The following LPAR1 variants were observed in gnomAD, a reference collection of about 807,000 sequenced individuals.
The protein encoded by LPAR1 is lysophosphatidic acid receptor 1.
A neutral mutation model predicts 23.8 loss-of-function variants in LPAR1; 5 were observed. The observed-to-expected ratio is 0.21, with a 90% CI of 0.11 to 0.44. The LOEUF (loss-of-function observed/expected upper bound fraction) is 0.44, where lower values mean the gene tolerates loss of function less well. LPAR1 is among the 20% of genes least tolerant of loss of function. The pLI is 0.99. For synonymous variants in LPAR1, 160 were observed against 164.7 expected (o/e 0.97, Z 0.22); for missense variants, 311 against 482.8 (o/e 0.64, Z 3.33).
chr9:111,038,864 G>T (rs1245870734), upstream of LPAR1, among the ~76,000 whole-genome samples: 1 of 151,722 alleles, frequency 6.6e-6, no homozygotes. This position sits in a 1 kb window ranked among gnomAD's most constrained non-coding sequence, Gnocchi z 4.4. Context: ...CCCCTCCTGC[G>T]CTTACCCCAG....
At chr9:110,919,937 T>C (rs114089440) in intron 5 of LPAR1, among the ~76,000 whole-genome samples, 2 of 152,198 alleles carry the variant, frequency 1.3e-5, no homozygotes, top group Non-Finnish European at 2.9e-5. Flanking sequence ...CACATCTATG[T>C]ACGTAGTTGT....
intron 2 of LPAR1, among the ~76,000 whole-genome samples, chr9:111,027,813 G>A (rs1439508506): frequency 7.0e-6 from 1 of 142,500 alleles, no homozygotes; most frequent in Non-Finnish European, 1.5e-5. Flanking sequence ...CTCAAAAATG[G>A]AGATCATTTA....
At chr9:111,002,909 C>A (rs1423156025) in intron 2 of LPAR1, among the ~76,000 whole-genome samples, 1 of 152,092 alleles carries the variant, frequency 6.6e-6, no homozygotes, top group Non-Finnish European at 1.5e-5. Flanking sequence ...GGGCCTGAGG[C>A]AGGAGAATTG....
At chr9:110,963,900 T>C (rs919157576) in intron 4 of LPAR1, among the ~76,000 whole-genome samples, 2 of 152,236 alleles carry the variant, frequency 1.3e-5, no homozygotes, top group African/African-American at 4.8e-5. Context: ...AGTCTAGATT[T>C]GAACCAAAAT....
In LPAR1 at chr9:110,875,595, G is replaced by C; in HGVS notation, c.921C>G (p.Asn307Lys). 2 of 1,614,076 alleles carry C rather than the reference G, an allele frequency of 1.2e-6. No homozygotes were observed. Among genetic ancestry groups the C allele is most frequent in the Non-Finnish European group, 1.7e-6 (2 of 1,180,012 alleles). Residue 307 changes from asparagine to lysine, a missense_variant, in exon 6 of 6, where the codon AAC becomes AAG. Physicochemically the swap from Asn to Lys is moderately conservative, Grantham distance 94. Around this residue, in one of 2 missense-constraint regions of LPAR1, gnomAD observed 250 missense variants for 427.2 expected, o/e 0.59. Transcript: ENST00000683809. Reference protein sequence around the residue: ...LLLAEFNSAMNPIIYSYRDKE... With the variant: ...LLLAEFNSAMKPIIYSYRDKE... ...TGTCGCGGTAGGAGTAAATGATGGG[G>C]TTCATGGCAGAGTTGAATTCAGCAA...
Position 111,009,998 on chromosome 9 carries a change from A to AATAT in LPAR1, c.-182+26120_-182+26123dup, listed in dbSNP as rs55696642. On this transcript the variant is annotated intron_variant, in intron 2 of 5. Transcript: ENST00000683809. ...TCATTTCTCATTTCATAATTAGGAA[A>AATAT]ATATATATATATATATATATATATA... 4.7e-3 allele frequency among the ~76,000 whole-genome samples: 579 copies of AATAT among 122,936 alleles called. 4 individuals carry two copies. Among genetic ancestry groups the AATAT allele is most frequent in the East Asian group, 7.5e-3 (20 of 2,656 alleles). 80.7% of individuals were successfully genotyped at this position (122,936 alleles called of 152,430 possible). A position where few individuals can be genotyped will look rare whatever the true frequency, so the allele number is the denominator to read the frequency against.
chr9:110,945,942 A>G (rs1038031066), intron 4 of LPAR1, among the ~76,000 whole-genome samples: 2 of 152,184 alleles, frequency 1.3e-5, no homozygotes, highest in African/African-American at 4.8e-5. Flanking sequence ...CCATCTCAAC[A>G]TCTTTAACTG....
chr9:110,925,429 T>A (rs1452165396), intron 5 of LPAR1, among the ~76,000 whole-genome samples: 1 of 152,114 alleles, frequency 6.6e-6, no homozygotes, highest in Admixed American at 6.5e-5. Context: ...TTCCTGATAG[T>A]CTCATAATCC....
chr9:111,009,831 T>C (rs1215909088), intron 2 of LPAR1, among the ~76,000 whole-genome samples: 1 of 151,642 alleles, frequency 6.6e-6, no homozygotes, highest in Non-Finnish European at 1.5e-5. Context: ...ATAAATTATA[T>C]GTCTAAATAT....
intron 2 of LPAR1, among the ~76,000 whole-genome samples, chr9:111,022,794 T>C (rs1409288469): frequency 6.6e-6 from 1 of 152,140 alleles, no homozygotes; most frequent in Non-Finnish European, 1.5e-5. Flanking sequence ...CTCAAGTCTG[T>C]AATCCCAGCA....
At chr9:110,954,376 A>C (rs1264826208) in intron 4 of LPAR1, among the ~76,000 whole-genome samples, 1 of 152,224 alleles carries the variant, frequency 6.6e-6, no homozygotes, top group African/African-American at 2.4e-5. Context: ...GGCAAAGAGA[A>C]AAATGAAAGG....
chr9:110,938,072 T>C (rs2094843839), intron 5 of LPAR1, among the ~76,000 whole-genome samples: 1 of 152,188 alleles, frequency 6.6e-6, no homozygotes, highest in South Asian at 2.1e-4. Context: ...TGTCATCACA[T>C]GCATTCCCTC....
At chr9:110,975,279 T>C (rs2096531671) in intron 2 of LPAR1, among the ~76,000 whole-genome samples, 2 of 152,154 alleles carry the variant, frequency 1.3e-5, no homozygotes, top group African/African-American at 4.8e-5. Context: ...ATGGATGAGA[T>C]CCACCAAACA....
intron 2 of LPAR1, among the ~76,000 whole-genome samples, chr9:111,016,407 T>C (rs2097446873): frequency 6.6e-6 from 1 of 152,186 alleles, no homozygotes; most frequent in African/African-American, 2.4e-5. Flanking sequence ...TTTTGAAACT[T>C]GACCTGAACA....
At chr9:110,976,895 A>G (rs2096565528) in intron 2 of LPAR1, among the ~76,000 whole-genome samples, 1 of 152,124 alleles carries the variant, frequency 6.6e-6, no homozygotes, top group Admixed American at 6.6e-5. Context: ...TATCCCCCCT[A>G]TGATTCAAAT....
chr9:111,025,705 C>T (rs904952291), intron 2 of LPAR1, among the ~76,000 whole-genome samples: 2 of 151,962 alleles, frequency 1.3e-5, no homozygotes, highest in African/African-American at 2.4e-5. Context: ...CTTTAATCCA[C>T]CTTCAGTTAA....
chr9:110,982,849 T>C (rs1482759534), intron 2 of LPAR1, among the ~76,000 whole-genome samples: 1 of 130,092 alleles, frequency 7.7e-6, no homozygotes, highest in Admixed American at 8.2e-5. Flanking sequence ...TCTACAAAAA[T>C]GTATATACAC....
chr9:110,933,719 C>T (rs1421501370), intron 5 of LPAR1, among the ~76,000 whole-genome samples: 2 of 152,118 alleles, frequency 1.3e-5, no homozygotes, highest in African/African-American at 4.8e-5. Context: ...AATGACTTTC[C>T]AACATTCATA....
chr9:110,969,286 T>C (rs2096329722), intron 4 of LPAR1, among the ~76,000 whole-genome samples: 1 of 152,194 alleles, frequency 6.6e-6, no homozygotes, highest in Non-Finnish European at 1.5e-5. Context: ...TACTTCTCCC[T>C]AAAAATACAC....
Sources: gnomAD v4.1 joint callset for allele counts (sites outside exome capture counted in the v4.1 genomes callset) on GRCh38, gnomAD v4.1.1 for gene constraint, gnomAD v4.1.1 regional missense constraint, Gnocchi (gnomAD v3.1) non-coding constraint, MANE v1.5 for transcripts, NCBI Gene and HGNC (gene_info 2026-07-23, HGNC 2026-07-21) for gene names.